CDKAL1: variants seen among roughly 807,000 people sequenced by gnomAD.
The protein encoded by CDKAL1 is threonylcarbamoyladenosine tRNA methylthiotransferase.
CDKAL1 carries 32 observed loss-of-function variants against 68.2 expected under a neutral mutation model. The observed-to-expected ratio is 0.47, with a 90% CI of 0.35 to 0.63. The LOEUF (loss-of-function observed/expected upper bound fraction) is 0.63, where lower values mean the gene tolerates loss of function less well. CDKAL1 is among the 30% of genes least tolerant of loss of function. The pLI, the probability that CDKAL1 is intolerant of heterozygous loss-of-function variation, is 0.00. For synonymous variants in CDKAL1, 234 were observed against 244.3 expected, an observed-to-expected ratio of 0.96 and a Z score of 0.39; for missense variants, 606 against 696.7, an observed-to-expected ratio of 0.87 and a Z score of 1.47.
chr6:20,897,780 C>T (rs1470818071), intron 9 of CDKAL1, among the ~76,000 whole-genome samples: 1 of 152,050 alleles, frequency 6.6e-6, no homozygotes, highest in Non-Finnish European at 1.5e-5. Flanking sequence ...GGAATATTTA[C>T]AGCAAGTGTT....
intron 7 of CDKAL1, among the ~76,000 whole-genome samples, chr6:20,767,777 T>C (rs1433319419): frequency 6.6e-6 from 1 of 152,172 alleles, no homozygotes; most frequent in Non-Finnish European, 1.5e-5. Context: ...GATTGGCACA[T>C]TTTTTCTTTT....
chr6:21,074,847 G>A (rs781190506), intron 12 of CDKAL1, among the ~76,000 whole-genome samples: 2 of 151,782 alleles, frequency 1.3e-5, no homozygotes, highest in Non-Finnish European at 2.9e-5. Flanking sequence ...AGTACACATG[G>A]TTTGTGGTTA....
intron 9 of CDKAL1, among the ~76,000 whole-genome samples, chr6:20,856,198 A>G (rs935357222): frequency 4.6e-5 from 7 of 152,192 alleles, no homozygotes; most frequent in Non-Finnish European, 8.8e-5. Flanking sequence ...ATTTTAGGAC[A>G]TGGGAAGACT....
intron 13 of CDKAL1, among the ~76,000 whole-genome samples, chr6:21,139,422 C>G (rs1775787814): frequency 6.6e-6 from 1 of 152,220 alleles, no homozygotes; most frequent in Non-Finnish European, 1.5e-5. Context: ...TGGTCATCAA[C>G]ATGTCCCAGG....
intron 4 of CDKAL1, among the ~76,000 whole-genome samples, chr6:20,620,677 CCTGT>C (rs1366773411): frequency 7.9e-5 from 12 of 151,964 alleles, no homozygotes; most frequent in South Asian, 2.1e-4. Flanking sequence ...ATATTTCCTG[CCTGT>C]CTAACACCGA....
At chr6:20,955,386 A>G (rs1282040629) in intron 9 of CDKAL1, 33 bp from the exon 10 acceptor site, 1 of 1,609,742 alleles carries the variant, frequency 6.2e-7, no homozygotes. Flanking sequence ...CAGCTCTGCC[A>G]CAGATTTGTT....
intron 5 of CDKAL1, 21 bp from the exon 6 acceptor site, chr6:20,739,498 G>A (rs1216257023): frequency 6.6e-7 from 1 of 1,508,776 alleles, no homozygotes; most frequent in Middle Eastern, 1.7e-4. Context: ...AATTCACATT[G>A]TCTTCTCTTC....
At chr6:20,682,465 A>AG (rs1770422844) in intron 5 of CDKAL1, among the ~76,000 whole-genome samples, 1 of 152,162 alleles carries the variant, frequency 6.6e-6, no homozygotes, top group Admixed American at 6.5e-5. Context: ...TAGGAAACTT[A>AG]CAATCATGGC....
At chr6:20,761,806 A>G (rs553228390) in intron 7 of CDKAL1, among the ~76,000 whole-genome samples, 2 of 152,280 alleles carry the variant, frequency 1.3e-5, no homozygotes, top group East Asian at 3.9e-4. Flanking sequence ...GATATTTATG[A>G]CAGTAATTCT....
At chr6:21,201,088 C>T in intron 14 of CDKAL1, 22 bp from the exon 15 acceptor site, 1 of 1,581,884 alleles carries the variant, frequency 6.3e-7, no homozygotes, top group East Asian at 2.3e-5. Context: ...AAAATTAAGC[C>T]TCTGAAACAA....
intron 9 of CDKAL1, among the ~76,000 whole-genome samples, chr6:20,896,777 G>T (rs1761711370): frequency 6.6e-6 from 1 of 152,022 alleles, no homozygotes; most frequent in Non-Finnish European, 1.5e-5. Flanking sequence ...TGGAAGGTAG[G>T]AGGGATCACC....
chr6:20,754,938 C>A (rs1246515684), intron 6 of CDKAL1, among the ~76,000 whole-genome samples: 2 of 152,078 alleles, frequency 1.3e-5, no homozygotes, highest in African/African-American at 2.4e-5. Context: ...TTTTAGCTTA[C>A]CCTCAACTTT....
intron 13 of CDKAL1, among the ~76,000 whole-genome samples, chr6:21,120,984 A>G (rs995562038): frequency 8.5e-5 from 13 of 152,302 alleles, no homozygotes; most frequent in African/African-American, 3.1e-4. Context: ...AGAAGTGAAT[A>G]TCTAGATATT....
chr6:20,842,756 G>A lies in CDKAL1; in HGVS notation c.639-3319G>A, dbSNP rs536805871. On this transcript the variant is annotated intron_variant, in intron 8 of 15. Transcript: ENST00000274695. ...TGAGGCAGGAGAATCGCTTGAACCC[G>A]GGAGGCAGAGGTTGCAGTGAGCCGA... Among the ~76,000 whole-genome samples the A allele has an allele frequency of 4.8e-3, 738 of 152,174 alleles. 4 individuals are homozygous for A. The highest frequency in any genetic ancestry group is 7.6e-3 in the Non-Finnish European group (516 of 68,000).
intron 12 of CDKAL1, among the ~76,000 whole-genome samples, chr6:21,097,098 G>T (rs926775222): frequency 2.6e-5 from 4 of 152,332 alleles, no homozygotes; most frequent in Middle Eastern, 6.8e-3. Flanking sequence ...TTTAGATTCA[G>T]GGTATTCAAA....
At chr6:21,156,579 A>AGGG (rs1332427057) in intron 13 of CDKAL1, among the ~76,000 whole-genome samples, 1 of 152,102 alleles carries the variant, frequency 6.6e-6, no homozygotes, top group Non-Finnish European at 1.5e-5. Flanking sequence ...TTTGTAAAGA[A>AGGG]GGGAAAGAGA....
At chr6:21,205,688 G>A (rs1031873554) in intron 15 of CDKAL1, among the ~76,000 whole-genome samples, 58 of 150,494 alleles carry the variant, frequency 3.9e-4, no homozygotes, top group Admixed American at 5.3e-4. Flanking sequence ...CCGCCACCAC[G>A]CCCAGCTAAT....
intron 5 of CDKAL1, among the ~76,000 whole-genome samples, chr6:20,705,271 G>A (rs555969824): frequency 6.6e-6 from 1 of 152,088 alleles, no homozygotes; most frequent in Admixed American, 6.5e-5. Context: ...TTTTTTCATT[G>A]TACAAATGAC....
chr6:20,688,146 T>C (rs1389765432), intron 5 of CDKAL1, among the ~76,000 whole-genome samples: 1 of 151,224 alleles, frequency 6.6e-6, no homozygotes, highest in Non-Finnish European at 1.5e-5. Context: ...CACCTCTGGC[T>C]TCTTTCAGGT....
Sources: allele counts gnomAD v4.1 joint callset (sites outside exome capture counted in the v4.1 genomes callset), GRCh38; gene constraint gnomAD v4.1.1; transcripts MANE v1.5; gene names NCBI Gene and HGNC (gene_info 2026-07-23, HGNC 2026-07-21).